The following PLCE1 variants were observed in gnomAD, a reference collection of about 807,000 sequenced individuals.
The protein encoded by PLCE1 is 1-phosphatidylinositol 4,5-bisphosphate phosphodiesterase epsilon-1.
In PLCE1, 119 loss-of-function variants were observed where a neutral mutation model predicts 242.8. The ratio of observed to expected loss-of-function variants is 0.49; its 90% CI spans 0.42 to 0.57. The LOEUF is 0.57. Among genes scored for constraint, PLCE1 ranks in the 20% least tolerant of loss-of-function variants. The probability of loss-of-function intolerance (pLI) is 0.00; values close to 1 mark genes in which losing one functional copy is unlikely to be tolerated. For missense variants in PLCE1, 2,441 were observed against 2,788.8 expected, an observed-to-expected ratio of 0.88 and a Z score of 2.81; for synonymous variants, 945 against 1,017.4, an observed-to-expected ratio of 0.93 and a Z score of 1.35.
At chr10:94,039,981 T>C (rs1441559162) in intron 2 of PLCE1, among the ~76,000 whole-genome samples, 1 of 152,232 alleles carries the variant, frequency 6.6e-6, no homozygotes, top group African/African-American at 2.4e-5. Context: ...TAGGTATAGA[T>C]ATATGAATGA....
intron 1 of PLCE1, among the ~76,000 whole-genome samples, chr10:94,007,345 A>G (rs1391311817): frequency 6.6e-6 from 1 of 152,148 alleles, no homozygotes; most frequent in Non-Finnish European, 1.5e-5. Flanking sequence ...GGGGATGGCC[A>G]AGGAGTGGCT....
intron 19 of PLCE1, among the ~76,000 whole-genome samples, chr10:94,276,678 G>T (rs1273147960): frequency 6.6e-6 from 1 of 152,124 alleles, no homozygotes; most frequent in Non-Finnish European, 1.5e-5. Context: ...TGGTAAACTT[G>T]TTCTTAGTAG....
chr10:94,260,172 C>G (rs115573025), intron 13 of PLCE1, among the ~76,000 whole-genome samples: 4 of 152,168 alleles, frequency 2.6e-5, no homozygotes, highest in East Asian at 1.9e-4. Context: ...TCTTCCCTAC[C>G]TACAGACAGT....
At chr10:94,093,847 G>A (rs1168037814) in intron 2 of PLCE1, among the ~76,000 whole-genome samples, 1 of 150,430 alleles carries the variant, frequency 6.6e-6, no homozygotes, top group African/African-American at 2.4e-5. Flanking sequence ...AGAGAGCCAA[G>A]TACAGGGTTT....
intron 3 of PLCE1, among the ~76,000 whole-genome samples, chr10:94,163,610 A>C (rs2047692403): frequency 6.6e-6 from 1 of 152,060 alleles, no homozygotes; most frequent in South Asian, 2.1e-4. Flanking sequence ...CTCTTTATCC[A>C]ATTTGCCAGT....
intron 2 of PLCE1, among the ~76,000 whole-genome samples, chr10:94,090,896 G>A (rs1036897632): frequency 6.6e-6 from 1 of 152,166 alleles, no homozygotes; most frequent in Non-Finnish European, 1.5e-5. Context: ...GAAGGTGTGA[G>A]AATAGCTGTA....
intron 2 of PLCE1, among the ~76,000 whole-genome samples, chr10:94,055,568 T>C (rs920294510): frequency 2.0e-5 from 3 of 152,164 alleles, no homozygotes; most frequent in Non-Finnish European, 4.4e-5. Flanking sequence ...TCTGCCCATC[T>C]CGGCCTCCCA....
intron 3 of PLCE1, among the ~76,000 whole-genome samples, chr10:94,153,684 A>C (rs2047342665): frequency 6.6e-6 from 1 of 152,228 alleles, no homozygotes; most frequent in Admixed American, 6.5e-5. Flanking sequence ...AAATGAGTTC[A>C]GCAAGGTTGC....
chr10:94,041,021 G>T (rs530297594), intron 2 of PLCE1, among the ~76,000 whole-genome samples: 3 of 152,134 alleles, frequency 2.0e-5, no homozygotes, highest in African/African-American at 7.2e-5. Flanking sequence ...TAAAATATTT[G>T]TTATCTTGTC....
chr10:94,032,292 G>C, intron 2 of PLCE1, 40 bp downstream of exon 2: 2 of 1,598,130 alleles, frequency 1.3e-6, no homozygotes, highest in Non-Finnish European at 1.7e-6. Flanking sequence ...CTTTAAACTT[G>C]CTTTTTTTTT....
intron 2 of PLCE1, among the ~76,000 whole-genome samples, chr10:94,087,018 A>T (rs1387799146): frequency 3.3e-5 from 5 of 151,522 alleles, no homozygotes; most frequent in South Asian, 2.1e-4. Flanking sequence ...AATTCTGATT[A>T]AAAAAAAATA....
intron 2 of PLCE1, among the ~76,000 whole-genome samples, chr10:94,080,392 C>T (rs943107737): frequency 6.6e-6 from 1 of 152,188 alleles, no homozygotes; most frequent in Admixed American, 6.5e-5. Flanking sequence ...CACCCCTTCT[C>T]CTAGCTAAGA....
intron 4 of PLCE1, among the ~76,000 whole-genome samples, chr10:94,175,965 G>A (rs1241962499): frequency 1.3e-5 from 2 of 152,050 alleles, no homozygotes; most frequent in Admixed American, 1.3e-4. Flanking sequence ...TCATCTTGTT[G>A]ATGGACACTT....
intron 3 of PLCE1, among the ~76,000 whole-genome samples, chr10:94,146,495 C>A (rs1332952841): frequency 6.6e-6 from 1 of 152,200 alleles, no homozygotes; most frequent in Admixed American, 6.5e-5. Flanking sequence ...TCGGCACAGC[C>A]AGAGCAGCTG....
intron 32 of PLCE1, 64 bp from the exon 33 acceptor site, chr10:94,327,904 A>C (rs1192152452): frequency 2.0e-6 from 1 of 489,954 alleles, no homozygotes; most frequent in Non-Finnish European, 4.2e-6. Flanking sequence ...CCCTTGGTAT[A>C]CCGCAAGTGT....
intron 1 of PLCE1, among the ~76,000 whole-genome samples, chr10:94,018,486 C>T (rs2061320431): frequency 2.0e-5 from 3 of 152,210 alleles, no homozygotes; most frequent in Admixed American, 2.0e-4. Context: ...GTTCTGTTTT[C>T]TCCTGACTTT....
chr10:94,110,404 T>C (rs2045919764), intron 2 of PLCE1, among the ~76,000 whole-genome samples: 1 of 152,188 alleles, frequency 6.6e-6, no homozygotes, highest in Admixed American at 6.5e-5. Flanking sequence ...AATAACCTCA[T>C]GTGCAGAAAA....
chr10:94,166,418 G>A (rs1241607600), intron 3 of PLCE1, among the ~76,000 whole-genome samples: 1 of 152,134 alleles, frequency 6.6e-6, no homozygotes, highest in Non-Finnish European at 1.5e-5. Context: ...CTGAAACATA[G>A]GTACATGGAG....
At chr10:94,120,861 G>A (rs1189884409) in intron 2 of PLCE1, 1 of 152,322 alleles carries the variant, frequency 6.6e-6, no homozygotes, top group Non-Finnish European at 1.5e-5. Context: ...AACAGGATGA[G>A]ATTCAAAAGA....
Sources: allele counts gnomAD v4.1 joint callset (sites outside exome capture counted in the v4.1 genomes callset), GRCh38; gene constraint gnomAD v4.1.1; transcripts MANE v1.5; gene names NCBI Gene and HGNC (gene_info 2026-07-23, HGNC 2026-07-21).